The following LRRC4C variants were observed in gnomAD, a reference collection of about 807,000 sequenced individuals.
LRRC4C encodes leucine-rich repeat-containing protein 4C.
Under a neutral mutation model 33.6 loss-of-function variants are expected in LRRC4C, and 5 were observed. The ratio of observed to expected loss-of-function variants is 0.15; its 90% CI spans 0.08 to 0.31. The LOEUF (loss-of-function observed/expected upper bound fraction) is 0.31. Ranked by LOEUF, LRRC4C falls within the 10% of genes least tolerant of loss-of-function variation. The pLI is 1.00. For missense variants in LRRC4C, 560 were observed against 796.7 expected, an observed-to-expected ratio of 0.70 and a Z score of 3.58; for synonymous variants, 329 against 302.0, an observed-to-expected ratio of 1.09 and a Z score of -0.93.
chr11:40,428,514 T>C (rs1590704636), intron 3 of LRRC4C, among the ~76,000 whole-genome samples: 1 of 152,200 alleles, frequency 6.6e-6, no homozygotes, highest in African/African-American at 2.4e-5. Context: ...TCAAGTACTT[T>C]ATAGAAACTA....
intron 2 of LRRC4C, among the ~76,000 whole-genome samples, chr11:40,876,320 A>G (rs1313174465): frequency 7.3e-6 from 1 of 136,056 alleles, no homozygotes; most frequent in Non-Finnish European, 1.5e-5. Context: ...GAAAGCCGAG[A>G]CAGGTGATCA....
intron 2 of LRRC4C, among the ~76,000 whole-genome samples, chr11:40,866,776 A>C (rs1339978755): frequency 6.6e-6 from 1 of 152,168 alleles, no homozygotes; most frequent in Non-Finnish European, 1.5e-5. Context: ...TAGCACAATG[A>C]CAACATTATA....
chr11:40,963,076 T>C (rs1851082476), intron 1 of LRRC4C, among the ~76,000 whole-genome samples: 3 of 151,716 alleles, frequency 2.0e-5, no homozygotes, highest in Non-Finnish European at 4.4e-5. Flanking sequence ...AAACTTGATA[T>C]TGGAGTTGTC....
chr11:40,753,455 T>G (rs1293526384), intron 2 of LRRC4C, among the ~76,000 whole-genome samples: 1 of 151,684 alleles, frequency 6.6e-6, no homozygotes, highest in Non-Finnish European at 1.5e-5. Context: ...CAATATATGC[T>G]TATATTGTAA....
chr11:40,537,461 T>A (rs1956522949), intron 3 of LRRC4C, among the ~76,000 whole-genome samples: 1 of 152,152 alleles, frequency 6.6e-6, no homozygotes, highest in Non-Finnish European at 1.5e-5. Flanking sequence ...TAATACTATA[T>A]CCCAAATTAA....
intron 2 of LRRC4C, among the ~76,000 whole-genome samples, chr11:40,736,660 T>C (rs1440332374): frequency 6.6e-6 from 1 of 152,160 alleles, no homozygotes; most frequent in Non-Finnish European, 1.5e-5. Flanking sequence ...CTTCTCCACA[T>C]TGTTTCCAGT....
intron 3 of LRRC4C, among the ~76,000 whole-genome samples, chr11:40,408,429 T>A (rs1950038292): frequency 6.6e-6 from 1 of 151,968 alleles, no homozygotes; most frequent in Non-Finnish European, 1.5e-5. Flanking sequence ...ACCAACTTTA[T>A]CTTTTTTTTA....
At chr11:40,916,084 T>A (rs913826185) in intron 2 of LRRC4C, among the ~76,000 whole-genome samples, 2 of 152,106 alleles carry the variant, frequency 1.3e-5, no homozygotes. Context: ...TAGGAACACT[T>A]TTACACTGTT....
At chr11:40,641,015 CAAAAAAAAAAA>C (rs5791392) in intron 3 of LRRC4C, among the ~76,000 whole-genome samples, 223 of 110,076 alleles carry the variant, frequency 2.0e-3, no homozygotes, top group Non-Finnish European at 2.9e-3. Context: ...GAGTCCATCT[CAAAAAAAAAAA>C]AAAAAAAAAG....
chr11:40,537,112 A>C (rs1397044526), intron 3 of LRRC4C, among the ~76,000 whole-genome samples: 1 of 152,242 alleles, frequency 6.6e-6, no homozygotes, highest in Non-Finnish European at 1.5e-5. Flanking sequence ...AAGTGAGGAA[A>C]TATATGACCT....
intron 1 of LRRC4C, among the ~76,000 whole-genome samples, chr11:41,143,246 A>G (rs1464327724): frequency 1.3e-5 from 2 of 151,980 alleles, no homozygotes; most frequent in Non-Finnish European, 2.9e-5. Context: ...AAAAAAATGA[A>G]TGCATGTCAT....
intron 1 of LRRC4C, among the ~76,000 whole-genome samples, chr11:40,998,508 T>G (rs1854140124): frequency 6.6e-6 from 1 of 152,140 alleles, no homozygotes; most frequent in South Asian, 2.1e-4. Flanking sequence ...ATTTTGTTAT[T>G]TTCTCCATGC....
Position 41,280,988 on chromosome 11 carries a change from A to G in LRRC4C, c.-496+178443T>C, listed in dbSNP as rs186064534. Among the ~76,000 whole-genome samples, 7 of 151,482 alleles carry G rather than the reference A, an allele frequency of 4.6e-5. No homozygotes were observed. The East Asian group carries it at 1.4e-3, about 30-fold the overall frequency. ...GGCATGCAGAAAATAATTAACAATT[A>G]GCCTAGTATTTTTTTCCATCTTATT... On this transcript the variant is annotated intron_variant, in intron 1 of 6. Transcript: ENST00000528697.
intron 3 of LRRC4C, among the ~76,000 whole-genome samples, chr11:40,320,598 T>C (rs908108072): frequency 6.6e-6 from 1 of 152,222 alleles, no homozygotes; most frequent in Non-Finnish European, 1.5e-5. Flanking sequence ...TAAGTAAATA[T>C]AGACATTGGA....
At chr11:41,372,562 C>T (rs1224529645) in intron 1 of LRRC4C, among the ~76,000 whole-genome samples, 1 of 151,986 alleles carries the variant, frequency 6.6e-6, no homozygotes, top group Non-Finnish European at 1.5e-5. Flanking sequence ...TTAATATTAC[C>T]AAACTTATGA....
rs887823568 is a variant in LRRC4C, at chr11:40,431,210, C to T, written c.-269-111489G>A. On this transcript the variant is annotated intron_variant, in intron 3 of 6. Coordinates refer to ENST00000528697, the MANE Select transcript of LRRC4C (RefSeq NM_001258419.2). Reference sequence around the variant, plus strand: ...TTGGGAGGTTCAGGTGGGTGGATCACGAGGTCAGGAGTTCAAGACCAGCCT... The same window carrying T: ...TTGGGAGGTTCAGGTGGGTGGATCATGAGGTCAGGAGTTCAAGACCAGCCT... Among the ~76,000 whole-genome samples the T allele has an allele frequency of 2.2e-4, 33 of 149,648 alleles. 1 individual carries two copies. The highest frequency in any genetic ancestry group is 1.3e-4 in the Admixed American group (2 of 15,016).
Position 41,124,849 on chromosome 11 carries a change from G to T in LRRC4C, c.-495-191126C>A, listed in dbSNP as rs79427455. On this transcript the variant is annotated intron_variant, in intron 1 of 6. Coordinates refer to ENST00000528697, the MANE Select transcript of LRRC4C (RefSeq NM_001258419.2). ...CTTTTTCCCTAAGGCTTTTGAAAGA[G>T]AAATGGAAATAAATATATGATGACT... is the stretch of plus-strand genomic sequence containing the variant. Among the ~76,000 whole-genome samples, 506 of 152,212 alleles carry T rather than the reference G, an allele frequency of 3.3e-3. 2 individuals are homozygous for T. Among genetic ancestry groups the T allele is most frequent in the African/African-American group, 0.011 (473 of 41,528 alleles).
At chr11:41,381,446 T>C (rs904297848) in intron 1 of LRRC4C, among the ~76,000 whole-genome samples, 2 of 151,628 alleles carry the variant, frequency 1.3e-5, no homozygotes, top group Admixed American at 1.3e-4. Flanking sequence ...GCCAATAGGG[T>C]GAAACCCTGT....
chr11:41,431,511 T>C (rs1345236282), intron 1 of LRRC4C, among the ~76,000 whole-genome samples: 1 of 152,080 alleles, frequency 6.6e-6, no homozygotes, highest in Non-Finnish European at 1.5e-5. Flanking sequence ...TTGGTCATCA[T>C]ATTTTATTTT....
Sources: allele counts gnomAD v4.1 joint callset (sites outside exome capture counted in the v4.1 genomes callset), GRCh38; gene constraint gnomAD v4.1.1; transcripts MANE v1.5; gene names NCBI Gene and HGNC (gene_info 2026-07-23, HGNC 2026-07-21).